FYB1: variants seen among roughly 807,000 people sequenced by gnomAD.
FYB1 encodes FYN binding protein 1, also known as FYN-binding protein 1.
FYB1 carries 41 observed loss-of-function variants against 94.1 expected under a neutral mutation model. The observed-to-expected ratio is 0.44, with a 90% CI of 0.34 to 0.57. The LOEUF (loss-of-function observed/expected upper bound fraction) is 0.57, where lower values mean the gene tolerates loss of function less well. Ranked by LOEUF, FYB1 falls within the 20% of genes least tolerant of loss-of-function variation. The probability of loss-of-function intolerance (pLI) is 0.02; values close to 1 mark genes in which losing one functional copy is unlikely to be tolerated. For missense variants in FYB1, 1,050 were observed against 976.8 expected (o/e 1.07, Z -1.00); for synonymous variants, 367 against 353.2 (o/e 1.04, Z -0.44).
At chr5:39,153,628 C>T (rs1168054491) in intron 2 of FYB1, 24 bp from the exon 3 acceptor site, 2 of 1,579,696 alleles carry the variant, frequency 1.3e-6, no homozygotes, top group Non-Finnish European at 1.7e-6. Context: ...CAAACAATAC[C>T]ATGAATTAAG....
chr5:39,201,681 A>G (rs1748323832), intron 2 of FYB1, 145 bp downstream of exon 2: 2 of 768,390 alleles, frequency 2.6e-6, no homozygotes, highest in Non-Finnish European at 4.0e-6. Context: ...CATGAAAGAA[A>G]AAAACAAGAC....
At chr5:39,227,493 C>T (rs1459989589) in intron 1 of FYB1, among the ~76,000 whole-genome samples, 1 of 152,104 alleles carries the variant, frequency 6.6e-6, no homozygotes, top group East Asian at 1.9e-4. Flanking sequence ...ACATATGTGG[C>T]AACACATTAA....
chr5:39,235,800 C>G (rs573284698), intron 1 of FYB1, among the ~76,000 whole-genome samples: 1 of 151,918 alleles, frequency 6.6e-6, no homozygotes, highest in East Asian at 1.9e-4. Flanking sequence ...TGAAATCAAA[C>G]GTCTTCTATA....
chr5:39,119,557 T>C lies in FYB1; in HGVS notation c.2216A>G (p.Lys739Arg), dbSNP rs760422276. The C allele has an allele frequency of 4.5e-6, 7 of 1,544,222 alleles. No individual in the cohort carries two copies. In the South Asian group the frequency reaches 8.5e-5, roughly 19 times the overall value. The change falls in exon 15 of 19, where the codon AAA becomes AGA. Residue 739 changes from lysine to arginine, a missense_variant. Transcript: ENST00000512982. ...TACTTTAAATTTTTTCCTGAAGTCT[T>C]TTTCTTCTTTTTCCTGCTTTTTTAG... is the stretch of plus-strand genomic sequence containing the variant. Reference protein sequence around the residue: ...KKLKKQEKEEKDFRKKFKYDG... With the variant: ...KKLKKQEKEERDFRKKFKYDG...
At chr5:39,191,967 C>T (rs55661661) in intron 2 of FYB1, among the ~76,000 whole-genome samples, 41,674 of 152,120 alleles carry the variant, frequency 0.27, 5,773 homozygotes, top group East Asian at 0.41. Context: ...AGACATTCTT[C>T]TGGCATAGAA....
intron 3 of FYB1, among the ~76,000 whole-genome samples, chr5:39,148,481 G>A (rs1402383341): frequency 7.7e-6 from 1 of 129,492 alleles, no homozygotes; most frequent in Non-Finnish European, 1.6e-5. Flanking sequence ...CTTACTGGGA[G>A]TAAAATCTTG....
At chr5:39,133,569 A>C (rs1741393240) in intron 9 of FYB1, among the ~76,000 whole-genome samples, 1 of 152,120 alleles carries the variant, frequency 6.6e-6, no homozygotes, top group Admixed American at 6.6e-5. Flanking sequence ...GGAGAGGTAC[A>C]AGGGAGGGAT....
intron 2 of FYB1, among the ~76,000 whole-genome samples, chr5:39,161,078 G>T (rs913543341): frequency 1.3e-5 from 2 of 152,208 alleles, no homozygotes; most frequent in African/African-American, 4.8e-5. Flanking sequence ...TGTACGCAGA[G>T]CACTGGTATG....
At chr5:39,193,543 C>A (rs1346385636) in intron 2 of FYB1, among the ~76,000 whole-genome samples, 1 of 152,158 alleles carries the variant, frequency 6.6e-6, no homozygotes, top group African/African-American at 2.4e-5. Flanking sequence ...GCTAACCTTC[C>A]CACCTGTTCT....
At chr5:39,269,902 C>A (rs1402747243) in intron 1 of FYB1, 2 of 151,886 alleles carry the variant, frequency 1.3e-5, no homozygotes, top group Non-Finnish European at 2.9e-5. Flanking sequence ...TTTTGGGAGC[C>A]CTCCTTTTTT....
At chr5:39,124,638 C>T (rs957754114) in intron 12 of FYB1, among the ~76,000 whole-genome samples, 13 of 152,002 alleles carry the variant, frequency 8.6e-5, no homozygotes, top group African/African-American at 3.1e-4. Flanking sequence ...TTGGAGGCAT[C>T]GTGGCATACA....
intron 2 of FYB1, among the ~76,000 whole-genome samples, chr5:39,199,355 A>T (rs1748115838): frequency 6.6e-6 from 1 of 152,180 alleles, no homozygotes; most frequent in African/African-American, 2.4e-5. Flanking sequence ...TGGCAGGATC[A>T]AGAGTCAGCA....
At chr5:39,216,164 G>A (rs1749851100) in intron 1 of FYB1, among the ~76,000 whole-genome samples, 1 of 152,146 alleles carries the variant, frequency 6.6e-6, no homozygotes, top group African/African-American at 2.4e-5. Context: ...ATAGATTTCT[G>A]TTGTTGTAAG....
At chr5:39,270,416 C>T (rs892699611) in intron 1 of FYB1, among the ~76,000 whole-genome samples, 4 of 152,198 alleles carry the variant, frequency 2.6e-5, no homozygotes, top group African/African-American at 9.7e-5. Context: ...CAAGACTCAG[C>T]AGCTTCATCA....
rs115584225 is a variant in FYB1, at chr5:39,225,382, C to A, written c.-27-22395G>T. ...GATAAACTTTACCAATTAGAATGGCCAACTAACATCTAAGTAAAGACTTTC... is the reference window on the plus strand; with the variant it reads ...GATAAACTTTACCAATTAGAATGGCAAACTAACATCTAAGTAAAGACTTTC... On this transcript the variant is annotated intron_variant, in intron 1 of 1. Transcript: ENST00000510188. 6.9e-3 allele frequency among the ~76,000 whole-genome samples: 1,047 copies of A among 152,254 alleles called. 10 individuals are homozygous for A. The highest frequency in any genetic ancestry group is 0.022 in the African/African-American group (931 of 41,548).
At chr5:39,162,610 G>C (rs540189907) in intron 2 of FYB1, among the ~76,000 whole-genome samples, 1 of 152,206 alleles carries the variant, frequency 6.6e-6, no homozygotes, top group African/African-American at 2.4e-5. Flanking sequence ...GCTTGAACCA[G>C]GGAGGCGGAG....
At chr5:39,165,045 C>T (rs1169377989) in intron 2 of FYB1, among the ~76,000 whole-genome samples, 2 of 152,198 alleles carry the variant, frequency 1.3e-5, no homozygotes, top group East Asian at 3.8e-4. Context: ...ACTACATATA[C>T]AGACATGTGA....
chr5:39,224,993 A>G (rs565596475), intron 1 of FYB1, among the ~76,000 whole-genome samples: 1 of 152,160 alleles, frequency 6.6e-6, no homozygotes, highest in African/African-American at 2.4e-5. Flanking sequence ...TTTTTGCTAC[A>G]TGGGGTTTTA....
chr5:39,225,745 T>C (rs1291866402), intron 1 of FYB1, among the ~76,000 whole-genome samples: 1 of 152,188 alleles, frequency 6.6e-6, no homozygotes, highest in Admixed American at 6.5e-5. Flanking sequence ...CAATGAACTG[T>C]CTTGAACACT....
Sources: gnomAD v4.1 joint callset for allele counts (sites outside exome capture counted in the v4.1 genomes callset) on GRCh38, gnomAD v4.1.1 for gene constraint, MANE v1.5 for transcripts, NCBI Gene and HGNC (gene_info 2026-07-23, HGNC 2026-07-21) for gene names.